Variants in TAF4 observed in about 807,000 individuals in gnomAD.
TAF4 encodes the protein transcription initiation factor TFIID subunit 4.
Under a neutral mutation model 90.3 loss-of-function variants are expected in TAF4, and 9 were observed. That is an observed-to-expected ratio of 0.10 (90% CI 0.06 to 0.17). The LOEUF (loss-of-function observed/expected upper bound fraction) is 0.17. Among genes scored for constraint, TAF4 ranks in the 10% least tolerant of loss-of-function variants. TAF4 has a pLI of 1.00. For synonymous variants in TAF4, 818 were observed against 638.9 expected (o/e 1.28, Z -4.23); for missense variants, 1,351 against 1,370.7 (o/e 0.99, Z 0.23).
At chr20:62,039,201 C>A (rs960262047) in intron 1 of TAF4, among the ~76,000 whole-genome samples, 22 of 152,202 alleles carry the variant, frequency 1.4e-4, no homozygotes, top group Non-Finnish European at 2.5e-4. Flanking sequence ...TGCCACCCAT[C>A]AACACTCCCT....
At chr20:62,055,428 A>G (rs1027450197) in intron 1 of TAF4, among the ~76,000 whole-genome samples, 1 of 152,056 alleles carries the variant, frequency 6.6e-6, no homozygotes, top group Non-Finnish European at 1.5e-5. Context: ...ATCAATTCAC[A>G]CTGTGTGCAG....
Position 62,014,669 on chromosome 20 carries a change from T to C in TAF4, c.1399A>G (p.Met467Val). ...TGGGCCAAGGCCTGCTGAGGAATCA[T>C]TAACAACTGCCCATTCTCACTTCGG... ...LVRSENGQLLMIPQQALAQMQ... is the reference protein window; with the variant it reads ...LVRSENGQLLVIPQQALAQMQ... The change falls in exon 2 of 15, where the codon ATG (methionine) becomes GTG (valine). Residue 467 changes from methionine to valine, a missense_variant. By Grantham distance (21) the Met-to-Val change is conservative (BLOSUM62 1). Around this residue, in one of 9 missense-constraint regions of TAF4, gnomAD observed 143 missense variants for 176.3 expected, o/e 0.81. Coordinates refer to ENST00000252996, the MANE Select transcript of TAF4 (RefSeq NM_003185.4). 1 of 1,613,928 alleles carries C rather than the reference T, an allele frequency of 6.2e-7. No individual in the cohort carries two copies. The highest frequency in any genetic ancestry group is 8.5e-7 in the Non-Finnish European group (1 of 1,179,976).
intron 1 of TAF4, among the ~76,000 whole-genome samples, chr20:62,035,137 C>T (rs559588788): frequency 6.6e-6 from 1 of 152,160 alleles, no homozygotes; most frequent in Non-Finnish European, 1.5e-5. Context: ...TTCAGTTCTC[C>T]CAAAATTGAC....
chr20:62,010,232 C>A lies in TAF4; in HGVS notation c.1642-67G>T, dbSNP rs1463365131. 2.5e-6 allele frequency: 4 copies of A among 1,606,386 alleles called. No individual in the cohort carries two copies. Among genetic ancestry groups the A allele is most frequent in the Non-Finnish European group, 3.4e-6 (4 of 1,176,820 alleles). On this transcript the variant is annotated intron_variant, in intron 3 of 14. Transcript: ENST00000252996. This position sits in a 1 kb window ranked among gnomAD's most constrained non-coding sequence, Gnocchi z 4.5. ...ACCAGCTGACGAGGGGGAGACCAGC[C>A]TCACGCCCAGCAAAAGAAAACAAGC...
At chr20:62,008,195 A>T (rs1487355489) in intron 5 of TAF4, 2 of 152,696 alleles carry the variant, frequency 1.3e-5, no homozygotes, top group Non-Finnish European at 2.9e-5. Context: ...ATCCTGTTTC[A>T]GAAACAGAGG....
intron 14 of TAF4, among the ~76,000 whole-genome samples, chr20:61,990,627 G>A (rs1161220844): frequency 2.0e-5 from 3 of 152,166 alleles, no homozygotes; most frequent in South Asian, 4.1e-4. Flanking sequence ...GGCAGGGGAG[G>A]ACCAGGGAGG....
chr20:62,064,494 C>T lies in TAF4; in HGVS notation c.1317G>A (p.Pro439=). ...PTVLAPRLPQ[P]PQNPTNIQNF... is the part of the protein sequence containing the mutation. ...TCTGGATGTTGGTCGGGTTCTGAGGCGGCTGCGGCAAGCGGGGGGCCAGCA... is the reference window on the plus strand; with the variant it reads ...TCTGGATGTTGGTCGGGTTCTGAGGTGGCTGCGGCAAGCGGGGGGCCAGCA... Residue 439 remains proline (P), a synonymous_variant, in exon 1 of 15, where the codon CCG becomes CCA. Coordinates refer to ENST00000252996, the MANE Select transcript of TAF4 (RefSeq NM_003185.4). 1 of 1,514,662 alleles carries T rather than the reference C, an allele frequency of 6.6e-7. No homozygotes were observed. The allele number at this position is 1,514,662 out of a possible 1,614,324, so 93.8% of individuals were successfully genotyped here. A position where few individuals can be genotyped will look rare whatever the true frequency, so the allele number is the denominator to read the frequency against.
intron 1 of TAF4, among the ~76,000 whole-genome samples, chr20:62,050,719 G>C (rs1054142513): frequency 6.6e-6 from 1 of 152,184 alleles, no homozygotes; most frequent in Non-Finnish European, 1.5e-5. Flanking sequence ...CGGGCATCTA[G>C]GCATCACCCA....
chr20:62,061,933 C>A (rs1164347810), intron 1 of TAF4, among the ~76,000 whole-genome samples: 3 of 152,250 alleles, frequency 2.0e-5, no homozygotes, highest in African/African-American at 2.4e-5. Flanking sequence ...CTGAAACACT[C>A]GGGCCTAAGG....
At chr20:62,024,826 T>C (rs2055865594) in intron 1 of TAF4, among the ~76,000 whole-genome samples, 1 of 151,416 alleles carries the variant, frequency 6.6e-6, no homozygotes, top group South Asian at 2.1e-4. Context: ...GCCGAGATCA[T>C]GCCACTGCAC....
rs750525748 is a variant in TAF4 at position 62,065,153 on chromosome 20, T to C, written c.658A>G (p.Asn220Asp). ...AGCGGCAGCAGCGCGGCGGGCCCGT[T>C]GTTGACCAGGCTGACAGCAGGTGCG... The part of the protein sequence containing the change: ...AAAPAVSLVN[N>D]GPAALLPLPK... The change falls in exon 1 of 15, where the codon AAC (asparagine) becomes GAC (aspartate). Residue 220 changes from asparagine (N) to aspartate (D), a missense_variant. By Grantham distance (23) the Asn-to-Asp change is conservative (BLOSUM62 1). Transcript: ENST00000252996. The C allele has an allele frequency of 8.4e-7, 1 of 1,191,562 alleles. No individual in the cohort carries two copies. Among genetic ancestry groups the C allele is most frequent in the Non-Finnish European group, 1.1e-6 (1 of 941,882 alleles). The allele number at this position is 1,191,562 out of a possible 1,614,324, so 73.8% of individuals were successfully genotyped here. A position where few individuals can be genotyped will look rare whatever the true frequency, so the allele number is the denominator to read the frequency against.
At chr20:62,060,289 C>G (rs1366095346) in intron 1 of TAF4, among the ~76,000 whole-genome samples, 2 of 152,244 alleles carry the variant, frequency 1.3e-5, no homozygotes, top group African/African-American at 2.4e-5. Context: ...CCCTAAGAAC[C>G]AGGGCAACCG....
intron 5 of TAF4, chr20:62,008,820 C>G (rs2055762197): frequency 2.3e-6 from 1 of 434,416 alleles, no homozygotes; most frequent in African/African-American, 2.0e-5. Context: ...AACGGCAAAG[C>G]CCGGGAGACC....
chr20:62,035,851 T>C (rs1259833270), intron 1 of TAF4, among the ~76,000 whole-genome samples: 1 of 152,082 alleles, frequency 6.6e-6, no homozygotes, highest in African/African-American at 2.4e-5. Flanking sequence ...AGAACTCCTA[T>C]AATTAATACG....
intron 14 of TAF4, among the ~76,000 whole-genome samples, chr20:61,996,098 C>A (rs2055661199): frequency 6.6e-6 from 1 of 152,018 alleles, no homozygotes. Flanking sequence ...AAGAACATCT[C>A]AAAACAAAGA....
chr20:61,976,618 G>A (rs1196021730), intron 14 of TAF4, among the ~76,000 whole-genome samples: 1 of 152,228 alleles, frequency 6.6e-6, no homozygotes, highest in Non-Finnish European at 1.5e-5. Flanking sequence ...GGATGGACTA[G>A]GGGGTGGCAC....
At position 62,006,621 on chromosome 20, in the gene TAF4, G is replaced by A; in HGVS notation, c.2112C>T (p.Arg704=). The A allele has an allele frequency of 1.2e-6, 2 of 1,604,996 alleles. No homozygotes were observed. Among genetic ancestry groups the A allele is most frequent in the South Asian group, 1.1e-5 (1 of 90,218 alleles). The stretch of plus-strand genomic sequence containing the variant: ...CGGTGGCCGCCGTCTTCCCGGCCGT[G>A]CGCTGGACCGAGCTACTCAGCACCA... ...TAVVLSSSVQ[R]TAGKTAATVT... The change falls in exon 7 of 15, where the codon CGC becomes CGT. Residue 704 remains arginine (R), a synonymous_variant. Transcript: ENST00000252996. The surrounding 1 kb of genome is among the most constrained non-coding windows in gnomAD (Gnocchi z 7.0).
chr20:62,005,871 C>A (rs2055741731), intron 7 of TAF4: 1 of 152,192 alleles, frequency 6.6e-6, no homozygotes, highest in East Asian at 1.9e-4. Context: ...GAAGAAAACA[C>A]CTCTGAAATT....
intron 1 of TAF4, among the ~76,000 whole-genome samples, chr20:62,059,979 G>A (rs2056080552): frequency 6.6e-6 from 1 of 152,256 alleles, no homozygotes; most frequent in Non-Finnish European, 1.5e-5. Context: ...GGCTTTGGAG[G>A]TAGAACAGGA....
Sources: allele counts gnomAD v4.1 joint callset (sites outside exome capture counted in the v4.1 genomes callset), GRCh38; gene constraint gnomAD v4.1.1; regional missense constraint gnomAD v4.1.1; non-coding constraint Gnocchi (gnomAD v3.1); transcripts MANE v1.5; gene names NCBI Gene and HGNC (gene_info 2026-07-23, HGNC 2026-07-21).